The following OR8H1 variants were observed in gnomAD, a reference collection of about 807,000 sequenced individuals.
The protein encoded by OR8H1 is olfactory receptor family 8 subfamily H member 1.
For missense variants in OR8H1, 388 were observed against 374.1 expected (o/e 1.04, Z -0.31); for synonymous variants, 135 against 134.5 (o/e 1.00, Z -0.03).
chr11:56,290,973 T>C lies in OR8H1; in HGVS notation c.90A>G (p.Leu30=), dbSNP rs767552104. Residue 30 remains leucine, a synonymous_variant, in exon 2 of 2, where the codon CTA becomes CTG. Coordinates refer to ENST00000641600, the MANE Select transcript of OR8H1 (RefSeq NM_001005199.2). ...SEEVQMALFI[L]FLLIYLITML... Reference sequence around the variant, plus strand: ...TAGTAATTAGGTATATCAGGAGAAATAGTATAAAGAGGGCCATCTGGACCT... The same window carrying C: ...TAGTAATTAGGTATATCAGGAGAAACAGTATAAAGAGGGCCATCTGGACCT... The C allele has an allele frequency of 6.2e-7, 1 of 1,614,006 alleles. No individual in the cohort carries two copies. The highest frequency in any genetic ancestry group is 1.1e-5 in the South Asian group (1 of 91,080).
In OR8H1 at chr11:56,290,780, C is replaced by G; in HGVS notation, c.283G>C (p.Gly95Arg). 2 of 1,614,068 alleles carry G rather than the reference C, an allele frequency of 1.2e-6. No homozygotes were observed. The highest frequency in any genetic ancestry group is 1.7e-6 in the Non-Finnish European group (2 of 1,180,020). Reference sequence around the variant, plus strand: ...AAAAAGAACATCTGGGCAAAGCAGCCCATGAAGGAAATATAGTTGGAAGTC... The same window carrying G: ...AAAAAGAACATCTGGGCAAAGCAGCGCATGAAGGAAATATAGTTGGAAGTC... ...LLTSNYISFMGCFAQMFFFVF... is the reference protein window; with the variant it reads ...LLTSNYISFMRCFAQMFFFVF... Residue 95 changes from glycine to arginine, a missense_variant, in exon 2 of 2, where the codon GGC becomes CGC. Coordinates refer to ENST00000641600, the MANE Select transcript of OR8H1 (RefSeq NM_001005199.2).
chr11:56,290,084 A>G lies in OR8H1; in HGVS notation c.*43T>C. 6.9e-7 allele frequency: 1 copy of G among 1,455,690 alleles called. No individual in the cohort carries two copies. The highest frequency in any genetic ancestry group is 9.7e-7 in the Non-Finnish European group (1 of 1,035,734). The allele number at this position is 1,455,690 out of a possible 1,614,324, so 90.2% of individuals were successfully genotyped here. Reference sequence around the variant, plus strand: ...CCAAGGACATACCAAATAGAAAAGAAAGAAAAGATGAGTTTAAATGTTCAG... The same window carrying G: ...CCAAGGACATACCAAATAGAAAAGAGAGAAAAGATGAGTTTAAATGTTCAG... On this transcript the variant is annotated 3_prime_UTR_variant, in exon 2 of 2. Coordinates refer to ENST00000641600, the MANE Select transcript of OR8H1 (RefSeq NM_001005199.2).
Position 56,289,775 on chromosome 11 carries a change from C to T in OR8H1, c.*352G>A. ...TAGCTGGGATTACAGGCATGCACCA[C>T]CACACCCAGCTAATTTTTTGTATTT... On this transcript the variant is annotated 3_prime_UTR_variant, in exon 2 of 2. Coordinates refer to ENST00000641600, the MANE Select transcript of OR8H1 (RefSeq NM_001005199.2). 1 of 262,606 alleles carries T rather than the reference C, an allele frequency of 3.8e-6. No homozygotes were observed. The highest frequency in any genetic ancestry group is 4.2e-5 in the South Asian group (1 of 23,830). The allele number at this position is 262,606 out of a possible 1,614,324, so 16.3% of individuals were successfully genotyped here.
chr11:56,291,036 C>T lies in OR8H1; in HGVS notation c.27G>A (p.Val9=). 1 of 1,601,794 alleles carries T rather than the reference C, an allele frequency of 6.2e-7. No individual in the cohort carries two copies. Among genetic ancestry groups the T allele is most frequent in the Non-Finnish European group, 8.5e-7 (1 of 1,174,916 alleles). Residue 9 remains valine (V), a synonymous_variant, in exon 2 of 2, where the codon GTG becomes GTA. Transcript: ENST00000641600. MGRRNNTN[V]PDFILTGLSD... is the part of the protein sequence containing the mutation. ...ACAGTCCCGTAAGGATGAAGTCAGG[C>T]ACATTTGTGTTATTTCTTCTACCCA...
rs138297260 is a variant in OR8H1 at position 56,290,932 on chromosome 11, C to G, written c.131G>C (p.Gly44Ala). ...IYLITMLGNV[G>A]MILIIRLDLQ... ...GTCCAGGCGGATTATCAATATCATCCCCACATTGCCCAGCATAGTAATTAG... is the reference window on the plus strand; with the variant it reads ...GTCCAGGCGGATTATCAATATCATCGCCACATTGCCCAGCATAGTAATTAG... Residue 44 changes from glycine to alanine, a missense_variant, in exon 2 of 2, where the codon GGG becomes GCG. By Grantham distance (60) the Gly-to-Ala change is moderately conservative. Coordinates refer to ENST00000641600, the MANE Select transcript of OR8H1 (RefSeq NM_001005199.2). 6.2e-7 allele frequency: 1 copy of G among 1,614,078 alleles called. No homozygotes were observed. The highest frequency in any genetic ancestry group is 1.1e-5 in the South Asian group (1 of 91,072).
In OR8H1 at chr11:56,289,961, AAC is replaced by A; in HGVS notation, c.*164_*165del. 1 of 705,174 alleles carries A rather than the reference AAC, an allele frequency of 1.4e-6. No individual in the cohort carries two copies. The highest frequency in any genetic ancestry group is 2.5e-6 in the Non-Finnish European group (1 of 400,722). 43.7% of individuals were successfully genotyped at this position (705,174 alleles called of 1,614,324 possible). ...TCTAATTACAATCTGGATTTCTGAAAACATACACCTTGAAATGTTCAAGATCA... is the reference window on the plus strand; with the variant it reads ...TCTAATTACAATCTGGATTTCTGAAAATACACCTTGAAATGTTCAAGATCA... On this transcript the variant is annotated 3_prime_UTR_variant, in exon 2 of 2. Coordinates refer to ENST00000641600, the MANE Select transcript of OR8H1 (RefSeq NM_001005199.2).
At position 56,290,251 on chromosome 11, in the gene OR8H1, T is replaced by C. The variant is rs1854127626; in HGVS notation, c.812A>G (p.Gln271Arg). 2 of 1,613,100 alleles carry C rather than the reference T, an allele frequency of 1.2e-6. No individual in the cohort carries two copies. Among genetic ancestry groups the C allele is most frequent in the Non-Finnish European group, 1.7e-6 (2 of 1,179,722 alleles). Reference protein sequence around the residue: ...PRKSYSLGRDQVASVFYTIVI... With the variant: ...PRKSYSLGRDRVASVFYTIVI... ...AATAGTATAAAAAACAGAAGCCACT[T>C]GATCCCTTCCCAAAGAATAAGACTT... is the stretch of plus-strand genomic sequence containing the variant. Residue 271 changes from glutamine to arginine, a missense_variant, in exon 2 of 2, where the codon CAA (glutamine) becomes CGA (arginine). By Grantham distance (43) the Gln-to-Arg change is conservative. Coordinates refer to ENST00000641600, the MANE Select transcript of OR8H1 (RefSeq NM_001005199.2).
rs924325946 is a variant in OR8H1, at chr11:56,289,360, T to C, written c.*767A>G. 2.0e-5 allele frequency: 3 copies of C among 152,170 alleles called. No individual in the cohort carries two copies. The highest frequency in any genetic ancestry group is 7.2e-5 in the African/African-American group (3 of 41,428). The allele number at this position is 152,170 out of a possible 1,614,324, so 9.4% of individuals were successfully genotyped here. A position where few individuals can be genotyped will look rare whatever the true frequency, so the allele number is the denominator to read the frequency against. ...GAATCTAACTCTTGGAAAACTTTAT[T>C]TCAAAACAGTACTCCTAAAGACTCT... On this transcript the variant is annotated 3_prime_UTR_variant, in exon 2 of 2. Coordinates refer to ENST00000641600, the MANE Select transcript of OR8H1 (RefSeq NM_001005199.2).
Position 56,290,107 on chromosome 11 carries a change from C to G in OR8H1, c.*20G>C. 6.4e-7 allele frequency: 1 copy of G among 1,553,796 alleles called. No individual in the cohort carries two copies. Among genetic ancestry groups the G allele is most frequent in the Non-Finnish European group, 8.9e-7 (1 of 1,125,282 alleles). On this transcript the variant is annotated 3_prime_UTR_variant, in exon 2 of 2. Coordinates refer to ENST00000641600, the MANE Select transcript of OR8H1 (RefSeq NM_001005199.2). ...GAAAGAAAAGATGAGTTTAAATGTTCAGCATTCCTGCTATTTTAATTACCT... is the reference window on the plus strand; with the variant it reads ...GAAAGAAAAGATGAGTTTAAATGTTGAGCATTCCTGCTATTTTAATTACCT...
In OR8H1 at chr11:56,290,420, C is replaced by A. The variant is rs1213545910; in HGVS notation, c.643G>T (p.Ala215Ser). ...GTAGAGAGAATGGACACATAGGATG[C>A]AGATATTGTGATAAGGGACACCATC... ...TLMVSLITIS[A>S]SYVSILSTIL... Residue 215 changes from alanine to serine, a missense_variant, in exon 2 of 2, where the codon GCA (alanine) becomes TCA (serine). Physicochemically the swap from Ala to Ser is moderately conservative, Grantham distance 99. Coordinates refer to ENST00000641600, the MANE Select transcript of OR8H1 (RefSeq NM_001005199.2). 11 of 1,614,024 alleles carry A rather than the reference C, an allele frequency of 6.8e-6. No homozygotes were observed. The highest frequency in any genetic ancestry group is 8.5e-6 in the Non-Finnish European group (10 of 1,180,036).
rs778412172 is a variant in OR8H1, at chr11:56,290,103, T to C, written c.*24A>G. 23 of 1,533,296 alleles carry C rather than the reference T, an allele frequency of 1.5e-5. 1 individual carries two copies. The highest frequency in any genetic ancestry group is 1.0e-4 in the South Asian group (9 of 89,318). 95.0% of individuals were successfully genotyped at this position (1,533,296 alleles called of 1,614,324 possible). A position where few individuals can be genotyped will look rare whatever the true frequency, so the allele number is the denominator to read the frequency against. On this transcript the variant is annotated 3_prime_UTR_variant, in exon 2 of 2. Transcript: ENST00000641600. ...AAAAGAAAGAAAAGATGAGTTTAAA[T>C]GTTCAGCATTCCTGCTATTTTAATT...
chr11:56,290,320 G>T lies in OR8H1; in HGVS notation c.743C>A (p.Thr248Asn), dbSNP rs146896395. The T allele has an allele frequency of 9.3e-6, 15 of 1,613,570 alleles. No homozygotes were observed. The highest frequency in any genetic ancestry group is 3.3e-4 in the Middle Eastern group (2 of 6,078). Reference sequence around the variant, plus strand: ...AAAAATCATAGTTCCATAAAAGATGGTGACTCCCAAGAGATGAGAGGCACA... The same window carrying T: ...AAAAATCATAGTTCCATAAAAGATGTTGACTCCCAAGAGATGAGAGGCACA... ...STCASHLLGV[T>N]IFYGTMIFTY... Residue 248 changes from threonine to asparagine, a missense_variant, in exon 2 of 2, where the codon ACC becomes AAC. Transcript: ENST00000641600.
At chr11:56,291,865 T>A (rs1854157113) in intron 1 of OR8H1, 86 bp downstream of exon 1, 1 of 152,188 alleles carries the variant, frequency 6.6e-6, no homozygotes, top group African/African-American at 2.4e-5. Context: ...AAGGACTAGA[T>A]GACATGTATA....
rs1854146317 is a variant in OR8H1 at position 56,291,039 on chromosome 11, A to ATT, written c.22_23dup (p.Asn8LysfsTer27). On this transcript the variant is annotated frameshift_variant, in exon 2 of 2. Coordinates refer to ENST00000641600, the MANE Select transcript of OR8H1 (RefSeq NM_001005199.2). LOFTEE classifies it low-confidence loss of function (END_TRUNC). ...GTCCCGTAAGGATGAAGTCAGGCAC[A>ATT]TTTGTGTTATTTCTTCTACCCATGA... 1 of 1,596,932 alleles carries ATT rather than the reference A, an allele frequency of 6.3e-7. No individual in the cohort carries two copies. The highest frequency in any genetic ancestry group is 8.5e-7 in the Non-Finnish European group (1 of 1,172,798).
Position 56,292,074 on chromosome 11 carries a change from A to G in OR8H1, c.-146T>C, listed in dbSNP as rs1311129769. On this transcript the variant is annotated 5_prime_UTR_variant, in exon 1 of 2. Transcript: ENST00000641600. ...ATTTAAGGAGATAAAATTTTCTCCG[A>G]TATAATATTTGTTTTCCTTGAGATA... The G allele has an allele frequency of 3.9e-5, 6 of 152,176 alleles. No individual in the cohort carries two copies. The highest frequency in any genetic ancestry group is 2.9e-5 in the Non-Finnish European group (2 of 68,034). The allele number at this position is 152,176 out of a possible 1,614,324, so 9.4% of individuals were successfully genotyped here.
rs777666562 is a variant in OR8H1, at chr11:56,290,865, CAAGT to C, written c.194_197del (p.His65ArgfsTer17). The C allele has an allele frequency of 1.9e-6, 3 of 1,613,944 alleles. No individual in the cohort carries two copies. The highest frequency in any genetic ancestry group is 2.7e-5 in the African/African-American group (2 of 74,884). ...TTGAGTAACTGAGGTCAATAAATGA[CAAGT>C]GAGTAAGGAAAAAATACATGGGAGT... On this transcript the variant is annotated frameshift_variant, in exon 2 of 2. Coordinates refer to ENST00000641600, the MANE Select transcript of OR8H1 (RefSeq NM_001005199.2). LOFTEE classifies it low-confidence loss of function (END_TRUNC).
chr11:56,290,792 T>C lies in OR8H1; in HGVS notation c.271A>G (p.Ile91Val), dbSNP rs146906305. 81 of 1,613,790 alleles carry C rather than the reference T, an allele frequency of 5.0e-5. No individual in the cohort carries two copies. Among genetic ancestry groups the C allele is most frequent in the African/African-American group, 6.7e-5 (5 of 74,820 alleles). Residue 91 changes from isoleucine (I) to valine (V), a missense_variant, in exon 2 of 2, where the codon ATT becomes GTT. Physicochemically the swap from Ile to Val is conservative, Grantham distance 29. Transcript: ENST00000641600. ...TLANLLTSNYISFMGCFAQMF... is the reference protein window; with the variant it reads ...TLANLLTSNYVSFMGCFAQMF... ...TGGGCAAAGCAGCCCATGAAGGAAA[T>C]ATAGTTGGAAGTCAGTAAGTTCGCT... is the stretch of plus-strand genomic sequence containing the variant.
intron 1 of OR8H1, 95 bp from the exon 2 acceptor site, chr11:56,291,179 AT>A: frequency 2.7e-6 from 2 of 731,442 alleles, no homozygotes; most frequent in Non-Finnish European, 4.4e-6. Flanking sequence ...GTTTCTATAA[AT>A]TGCTAATACA....
Position 56,289,305 on chromosome 11 carries a change from G to A in OR8H1, c.*822C>T, listed in dbSNP as rs571138882. On this transcript the variant is annotated 3_prime_UTR_variant, in exon 2 of 2. Transcript: ENST00000641600. The stretch of plus-strand genomic sequence containing the variant: ...TTTAAATTTTAGGTAACATATTCTG[G>A]GTTGTATAGCTGAAAATGTAGCATA... The A allele has an allele frequency of 1.3e-5, 2 of 152,024 alleles. No homozygotes were observed. The highest frequency in any genetic ancestry group is 4.8e-5 in the African/African-American group (2 of 41,402). The allele number at this position is 152,024 out of a possible 1,614,324, so 9.4% of individuals were successfully genotyped here. A position where few individuals can be genotyped will look rare whatever the true frequency, so the allele number is the denominator to read the frequency against.
Sources: allele counts gnomAD v4.1 joint callset, GRCh38; gene constraint gnomAD v4.1.1; transcripts MANE v1.5; gene names NCBI Gene and HGNC (gene_info 2026-07-23, HGNC 2026-07-21).